RANBP9: variants seen among roughly 807,000 people sequenced by gnomAD.
The protein encoded by RANBP9 is RAN binding protein 9, also known as ran-binding protein 9.
In RANBP9, 15 loss-of-function variants were observed where a neutral mutation model predicts 84.3. The ratio of observed to expected loss-of-function variants is 0.18; its 90% confidence interval spans 0.12 to 0.27. The LOEUF (loss-of-function observed/expected upper bound fraction) is 0.27. Ranked by LOEUF, RANBP9 falls within the 10% of genes least tolerant of loss-of-function variation. The probability of loss-of-function intolerance (pLI) is 1.00; values close to 1 mark genes in which losing one functional copy is unlikely to be tolerated. For missense variants in RANBP9, 809 were observed against 912.8 expected (o/e 0.89, Z 1.46); for synonymous variants, 392 against 349.6 (o/e 1.12, Z -1.35).
chr6:13,694,829 C>A (rs1463190151), intron 2 of RANBP9, among the ~76,000 whole-genome samples: 4 of 152,006 alleles, frequency 2.6e-5, no homozygotes, highest in Non-Finnish European at 5.9e-5. Context: ...TCTCAATTAT[C>A]AGACTGAAAA....
Position 13,711,094 on chromosome 6 carries a change from A to T in RANBP9, c.412T>A (p.Ser138Thr). 1.3e-6 allele frequency: 2 copies of T among 1,568,986 alleles called. No individual in the cohort carries two copies. The highest frequency in any genetic ancestry group is 1.7e-6 in the Non-Finnish European group (2 of 1,157,478). ...TCCTTCTCCTGCTCGTTCAGGGCCG[A>T]GTCCCCGTGAGGGAAGGGGGCCGCG... ...SAAAPFPHGD[S>T]ALNEQEKELQ... is the part of the protein sequence containing the mutation. The change falls in exon 1 of 14, where the codon TCG (serine) becomes ACG (threonine). Residue 138 changes from serine to threonine, a missense_variant. Physicochemically the swap from Ser to Thr is moderately conservative, Grantham distance 58 (BLOSUM62 1). Transcript: ENST00000011619.
chr6:13,658,059 T>C (rs550934642), intron 3 of RANBP9, among the ~76,000 whole-genome samples: 182 of 152,260 alleles, frequency 1.2e-3, no homozygotes, highest in African/African-American at 4.2e-3. Context: ...TTCTCATAAG[T>C]GGTACTGGGA....
At chr6:13,652,276 A>AATAT (rs1349728017) in intron 5 of RANBP9, among the ~76,000 whole-genome samples, 2 of 152,198 alleles carry the variant, frequency 1.3e-5, no homozygotes, top group Admixed American at 1.3e-4. Flanking sequence ...CCTGTTGAAT[A>AATAT]ATATATTCCA....
intron 1 of RANBP9, among the ~76,000 whole-genome samples, chr6:13,698,916 C>T (rs186789065): frequency 2.3e-3 from 351 of 152,178 alleles, no homozygotes; most frequent in African/African-American, 7.9e-3. Flanking sequence ...AATGAACATT[C>T]GGGGATCACT....
chr6:13,711,829 G>C lies in RANBP9; in HGVS notation c.-324C>G, dbSNP rs1211344923. Among the ~76,000 whole-genome samples the C allele has an allele frequency of 6.8e-6, 1 of 146,280 alleles. No individual in the cohort carries two copies. The highest frequency in any genetic ancestry group is 1.5e-5 in the Non-Finnish European group (1 of 65,754). On this transcript the variant is annotated 5_prime_UTR_variant, in exon 1 of 14. Transcript: ENST00000011619. ...GGCCGCCGCGGCCGCTGCTCTCGCG[G>C]CTGTTTCCCGGCGGGCGGGCCGGGC...
At chr6:13,647,418 C>G (rs1765194740) in intron 5 of RANBP9, among the ~76,000 whole-genome samples, 2 of 151,894 alleles carry the variant, frequency 1.3e-5, no homozygotes, top group Admixed American at 6.6e-5. Context: ...TATAATTGAT[C>G]AATTGTGGTA....
At chr6:13,670,597 C>T (rs1765754111) in intron 2 of RANBP9, among the ~76,000 whole-genome samples, 1 of 151,758 alleles carries the variant, frequency 6.6e-6, no homozygotes, top group Non-Finnish European at 1.5e-5. Flanking sequence ...GAGATCGAGA[C>T]CATCCTGGCT....
At chr6:13,675,784 T>A (rs1475007901) in intron 2 of RANBP9, among the ~76,000 whole-genome samples, 1 of 151,158 alleles carries the variant, frequency 6.6e-6, no homozygotes, top group Non-Finnish European at 1.5e-5. Context: ...CATAAGAAAC[T>A]ATTATTATCA....
chr6:13,653,157 T>G (rs1248045642), intron 4 of RANBP9, among the ~76,000 whole-genome samples: 2 of 152,162 alleles, frequency 1.3e-5, no homozygotes. Flanking sequence ...TACAGTATAT[T>G]TTTGCTTCTT....
chr6:13,693,907 GTGGTGGGCGCCTGTAATCCCAGCTACT>G, intron 2 of RANBP9, among the ~76,000 whole-genome samples: 1 of 152,160 alleles, frequency 6.6e-6, no homozygotes, highest in African/African-American at 2.4e-5. Flanking sequence ...GCCAGGTGTG[GTGGTGGGCGCCTGTAATCCCAGCTACT>G]TGGGAGGCTG....
chr6:13,688,743 T>C lies in RANBP9; in HGVS notation c.683+8042A>G, dbSNP rs144131845. 1.7e-3 allele frequency among the ~76,000 whole-genome samples: 256 copies of C among 151,910 alleles called. 2 individuals are homozygous for C. The highest frequency in any genetic ancestry group is 5.2e-3 in the African/African-American group (216 of 41,422). ...GGCAACCGCCTCACAACCTAACTCC[T>C]AGCCCTAGCCCGTAAACTCTGTAGC... On this transcript the variant is annotated intron_variant, in intron 2 of 13. Transcript: ENST00000011619.
At chr6:13,686,066 ACT>A (rs1766168982) in intron 2 of RANBP9, among the ~76,000 whole-genome samples, 2 of 129,390 alleles carry the variant, frequency 1.5e-5, no homozygotes, top group Non-Finnish European at 1.6e-5. Context: ...TTTTTTCTGT[ACT>A]TTTTTTTCTT....
chr6:13,662,371 G>C (rs180761376), intron 2 of RANBP9, among the ~76,000 whole-genome samples: 119 of 152,284 alleles, frequency 7.8e-4, no homozygotes, highest in African/African-American at 2.8e-3. Flanking sequence ...CAATGCACAA[G>C]ATGTAGGGAG....
At chr6:13,706,236 T>C (rs777371235) in intron 1 of RANBP9, among the ~76,000 whole-genome samples, 2 of 151,538 alleles carry the variant, frequency 1.3e-5, no homozygotes, top group African/African-American at 2.4e-5. Flanking sequence ...CCCAGCTACT[T>C]GGAAGGCTGA....
At chr6:13,671,718 A>C (rs1318736556) in intron 2 of RANBP9, among the ~76,000 whole-genome samples, 2 of 152,188 alleles carry the variant, frequency 1.3e-5, no homozygotes, top group Non-Finnish European at 2.9e-5. Flanking sequence ...AACTCTGTGA[A>C]TATAGTAAAA....
chr6:13,706,059 A>G (rs986004764), intron 1 of RANBP9, among the ~76,000 whole-genome samples: 1 of 151,792 alleles, frequency 6.6e-6, no homozygotes, highest in African/African-American at 2.4e-5. Context: ...CAGAGTAAGT[A>G]TAACAAAAGT....
chr6:13,639,272 G>A (rs1024955902), intron 9 of RANBP9, among the ~76,000 whole-genome samples: 3 of 152,178 alleles, frequency 2.0e-5, no homozygotes, highest in Non-Finnish European at 4.4e-5. Context: ...TCTGCCTCCA[G>A]GATTCAAGCA....
chr6:13,696,369 T>C (rs192191470), intron 2 of RANBP9, among the ~76,000 whole-genome samples: 1 of 152,280 alleles, frequency 6.6e-6, no homozygotes, highest in East Asian at 1.9e-4. Context: ...AGCATACAAA[T>C]ACACATTTCC....
At chr6:13,637,987 AC>A in intron 9 of RANBP9, 32 bp from the exon 10 acceptor site, 1 of 1,557,048 alleles carries the variant, frequency 6.4e-7, no homozygotes, top group Non-Finnish European at 8.7e-7. Context: ...AGAAACAGAA[AC>A]AAACACTAAT....
Sources: gnomAD v4.1 joint callset for allele counts (sites outside exome capture counted in the v4.1 genomes callset) on GRCh38, gnomAD v4.1.1 for gene constraint, MANE v1.5 for transcripts, NCBI Gene and HGNC (gene_info 2026-07-23, HGNC 2026-07-21) for gene names.